PDE4B: variants seen among roughly 807,000 people sequenced by gnomAD.
PDE4B encodes phosphodiesterase 4B.
Under a neutral mutation model 82.2 loss-of-function variants are expected in PDE4B, and 20 were observed. That is an observed-to-expected ratio of 0.24 (90% CI 0.17 to 0.35). PDE4B has a LOEUF of 0.35. Among genes scored for constraint, PDE4B ranks in the 10% least tolerant of loss-of-function variants. The pLI is 1.00. For synonymous variants in PDE4B, 320 were observed against 318.9 expected, an observed-to-expected ratio of 1.00 and a Z score of -0.04; for missense variants, 655 against 907.2, an observed-to-expected ratio of 0.72 and a Z score of 3.57.
intron 3 of PDE4B, among the ~76,000 whole-genome samples, chr1:66,191,680 T>C (rs1313805271): frequency 6.6e-6 from 1 of 151,782 alleles, no homozygotes; most frequent in African/African-American, 2.4e-5. Flanking sequence ...CTTTAAGGAG[T>C]ATTAGTCCCT....
At chr1:66,275,087 C>A (rs1655782948) in intron 7 of PDE4B, among the ~76,000 whole-genome samples, 1 of 152,164 alleles carries the variant, frequency 6.6e-6, no homozygotes. Flanking sequence ...TATAAAGGGA[C>A]ACCCCTAAAT....
intron 3 of PDE4B, among the ~76,000 whole-genome samples, chr1:66,206,623 A>C (rs1007227549): frequency 5.3e-5 from 8 of 152,216 alleles, no homozygotes; most frequent in Non-Finnish European, 1.2e-4. Context: ...TTTTGTAAGC[A>C]GTTGGCTTGG....
intron 7 of PDE4B, among the ~76,000 whole-genome samples, chr1:66,310,664 C>A (rs1658602832): frequency 6.6e-6 from 1 of 152,134 alleles, no homozygotes; most frequent in Non-Finnish European, 1.5e-5. Context: ...TTGTCCTGGG[C>A]AGTCAAGCCA....
At chr1:65,887,561 G>T (rs1315941499) in intron 1 of PDE4B, among the ~76,000 whole-genome samples, 1 of 149,688 alleles carries the variant, frequency 6.7e-6, no homozygotes, top group East Asian at 2.0e-4. Flanking sequence ...AGGACTACAG[G>T]TGCCCACCAG....
chr1:65,967,062 C>T (rs1427064704), intron 3 of PDE4B, among the ~76,000 whole-genome samples: 2 of 152,150 alleles, frequency 1.3e-5, no homozygotes, highest in East Asian at 3.8e-4. Context: ...TAAAGAGCTT[C>T]TGCACAGCAA....
intron 7 of PDE4B, among the ~76,000 whole-genome samples, chr1:66,279,787 G>T (rs1656161053): frequency 1.3e-5 from 2 of 152,276 alleles, no homozygotes; most frequent in East Asian, 1.9e-4. Context: ...AATTAATGCT[G>T]CAGTCTTCAG....
At chr1:66,125,231 C>T (rs934158652) in intron 3 of PDE4B, among the ~76,000 whole-genome samples, 6 of 148,394 alleles carry the variant, frequency 4.0e-5, no homozygotes, top group African/African-American at 7.5e-5. Context: ...TGGCGTGATC[C>T]TGGCTCACTG....
chr1:66,125,955 C>T (rs1163620293), intron 3 of PDE4B, among the ~76,000 whole-genome samples: 2 of 152,136 alleles, frequency 1.3e-5, no homozygotes, highest in African/African-American at 2.4e-5. Flanking sequence ...TACAGGCATG[C>T]ACCACCACAC....
At chr1:66,215,835 C>T (rs1390750349) in intron 3 of PDE4B, among the ~76,000 whole-genome samples, 1 of 152,110 alleles carries the variant, frequency 6.6e-6, no homozygotes, top group Non-Finnish European at 1.5e-5. Flanking sequence ...GATGATACAT[C>T]CCCAGACTCT....
At chr1:66,226,846 A>G (rs1037591906) in intron 3 of PDE4B, among the ~76,000 whole-genome samples, 19 of 152,250 alleles carry the variant, frequency 1.2e-4, no homozygotes, top group Non-Finnish European at 1.9e-4. Flanking sequence ...TTATAGAATC[A>G]AAGAATGGAA....
At chr1:66,050,478 C>G (rs1654961971) in intron 3 of PDE4B, 2 of 152,020 alleles carry the variant, frequency 1.3e-5, no homozygotes, top group African/African-American at 4.8e-5. Flanking sequence ...AGTGATTTTA[C>G]ATGTATGCAC....
intron 1 of PDE4B, among the ~76,000 whole-genome samples, chr1:65,887,414 G>GTTTTTTTTTTTTTTTTTTT (rs34263724): frequency 1.3e-4 from 1 of 7,734 alleles, no homozygotes; most frequent in Non-Finnish European, 2.1e-4. Context: ...TTTTTCTTCT[G>GTTTTTTTTTTTTTTTTTTT]TTTTTTTTTT....
At chr1:66,056,392 G>C (rs1047982671) in intron 3 of PDE4B, among the ~76,000 whole-genome samples, 1 of 151,840 alleles carries the variant, frequency 6.6e-6, no homozygotes, top group Non-Finnish European at 1.5e-5. Context: ...TAATTGCTTT[G>C]AAGGTGGAGG....
At chr1:66,361,408 G>A (rs758837357) in intron 9 of PDE4B, among the ~76,000 whole-genome samples, 3 of 152,130 alleles carry the variant, frequency 2.0e-5, no homozygotes, top group Non-Finnish European at 4.4e-5. Flanking sequence ...GCAATAACAT[G>A]GAACAACAAA....
rs144577897 is a variant in PDE4B, at chr1:66,144,139, A to T, written c.282-103321A>T. Among the ~76,000 whole-genome samples the T allele has an allele frequency of 2.5e-4, 38 of 152,372 alleles. No individual in the cohort carries two copies. The East Asian group carries it at 6.5e-3, about 26-fold the overall frequency. On this transcript the variant is annotated intron_variant, in intron 3 of 16. Coordinates refer to ENST00000341517, the MANE Select transcript of PDE4B (RefSeq NM_002600.4). ...GTTACAAGCCCTAAGAATTGCAAGG[A>T]GGGAGAAAGGAAAACTTTCCAGATT...
chr1:66,110,692 A>G (rs947544587), intron 3 of PDE4B, among the ~76,000 whole-genome samples: 9 of 152,096 alleles, frequency 5.9e-5, no homozygotes, highest in African/African-American at 2.2e-4. Flanking sequence ...AGATAAAAAT[A>G]GTACTACCTC....
At chr1:65,860,796 A>T (rs1646445666) in intron 1 of PDE4B, among the ~76,000 whole-genome samples, 2 of 152,216 alleles carry the variant, frequency 1.3e-5, no homozygotes, top group Non-Finnish European at 2.9e-5. Context: ...TCTAATGACC[A>T]GTGAAGATAA....
chr1:66,200,190 A>G (rs782419), intron 3 of PDE4B, among the ~76,000 whole-genome samples: 70,874 of 151,912 alleles, frequency 0.47, 16,699 homozygotes, highest in African/African-American at 0.53. Flanking sequence ...GTTCTGTTCT[A>G]TTCCATTGGT....
chr1:66,105,540 A>G (rs1207500509), intron 3 of PDE4B, among the ~76,000 whole-genome samples: 3 of 152,054 alleles, frequency 2.0e-5, no homozygotes, highest in Non-Finnish European at 4.4e-5. Flanking sequence ...CAGTATAGCC[A>G]TTTTCATGAT....
Sources: allele counts gnomAD v4.1 joint callset (sites outside exome capture counted in the v4.1 genomes callset), GRCh38; gene constraint gnomAD v4.1.1; transcripts MANE v1.5; gene names NCBI Gene and HGNC (gene_info 2026-07-23, HGNC 2026-07-21).